TGFBI: variants seen among roughly 807,000 people sequenced by gnomAD.
The protein encoded by TGFBI is transforming growth factor beta induced.
A neutral mutation model predicts 73.7 loss-of-function variants in TGFBI; 50 were observed. That is an observed-to-expected ratio of 0.68 (90% CI 0.54 to 0.86). The LOEUF (loss-of-function observed/expected upper bound fraction) is 0.86, where lower values mean the gene tolerates loss of function less well. TGFBI is among the 40% of genes least tolerant of loss of function. TGFBI has a pLI of 0.00. For synonymous variants in TGFBI, 362 were observed against 360.5 expected (o/e 1.00, Z -0.05); for missense variants, 839 against 877.0 (o/e 0.96, Z 0.55).
intron 4 of TGFBI, 118 bp downstream of exon 4, chr5:136,046,613 C>A: frequency 2.2e-6 from 3 of 1,345,394 alleles, no homozygotes; most frequent in Non-Finnish European, 3.0e-6. Context: ...GAAGCTTTCT[C>A]CTTAACCCCT....
intron 3 of TGFBI, 136 bp downstream of exon 3, chr5:136,044,258 A>C: frequency 2.7e-6 from 2 of 751,784 alleles, no homozygotes; most frequent in South Asian, 3.4e-5. Flanking sequence ...CCACGTGCCC[A>C]CTGGCCCCAG....
At chr5:136,049,751 T>C in intron 7 of TGFBI, 171 bp downstream of exon 7, 2 of 698,426 alleles carry the variant, frequency 2.9e-6, no homozygotes, top group Non-Finnish European at 2.3e-6. Context: ...ACCGTGTCTC[T>C]AGCAGCCACA....
In TGFBI at chr5:136,046,427, G is replaced by A. The variant is rs1751427619; in HGVS notation, c.391G>A (p.Glu131Lys). The A allele has an allele frequency of 6.2e-7, 1 of 1,613,838 alleles. No homozygotes were observed. Among genetic ancestry groups the A allele is most frequent in the African/African-American group, 1.3e-5 (1 of 75,052 alleles). The change falls in exon 4 of 17, where the codon GAG (glutamate) becomes AAG (lysine). Residue 131 changes from glutamate (E) to lysine (K), a missense_variant. Transcript: ENST00000442011. The stretch of plus-strand genomic sequence containing the variant: ...GGACCGCACGGAGAAGCTGAGGCCT[G>A]AGATGGAGGGGCCCGGCAGCTTCAC... ...YTDRTEKLRP[E>K]MEGPGSFTIF...
chr5:136,036,792 T>C (rs1426956917), intron 2 of TGFBI, among the ~76,000 whole-genome samples: 1 of 152,098 alleles, frequency 6.6e-6, no homozygotes, highest in African/African-American at 2.4e-5. Flanking sequence ...ATGAGGTCCA[T>C]AGGCAGTTGG....
Position 136,060,870 on chromosome 5 carries a change from G to T in TGFBI, c.1840G>T (p.Ala614Ser). 1 of 1,602,444 alleles carries T rather than the reference G, an allele frequency of 6.2e-7. No homozygotes were observed. Among genetic ancestry groups the T allele is most frequent in the Non-Finnish European group, 8.5e-7 (1 of 1,171,564 alleles). ...NVVSVNKEPV[A>S]EPDIMATNGV... ...GGTGAGTGTCAACAAGGAGCCTGTTGCCGAGCCTGACATCATGGCCACAAA... is the reference window on the plus strand; with the variant it reads ...GGTGAGTGTCAACAAGGAGCCTGTTTCCGAGCCTGACATCATGGCCACAAA... The change falls in exon 14 of 17, where the codon GCC becomes TCC. Residue 614 changes from alanine (A) to serine (S), a missense_variant. Physicochemically the swap from Ala to Ser is moderately conservative, Grantham distance 99. Coordinates refer to ENST00000442011, the MANE Select transcript of TGFBI (RefSeq NM_000358.3).
At position 136,056,888 on chromosome 5, in the gene TGFBI, T is replaced by C. The variant is rs1039473029; in HGVS notation, c.1678+93T>C. ...AACAGTTGGCACATCAAGGATTGAC[T>C]TGAAGGGATTTTATGACAAGACTAT... On this transcript the variant is annotated intron_variant, in intron 12 of 16. Transcript: ENST00000442011. 21 of 1,434,036 alleles carry C rather than the reference T, an allele frequency of 1.5e-5. No individual in the cohort carries two copies. In the Middle Eastern group the frequency reaches 5.5e-4, roughly 37 times the overall value. 88.8% of individuals were successfully genotyped at this position (1,434,036 alleles called of 1,614,324 possible).
chr5:136,046,860 G>A lies in TGFBI; in HGVS notation c.469G>A (p.Asp157Asn), dbSNP rs765769059. 1.9e-6 allele frequency: 3 copies of A among 1,613,222 alleles called. No homozygotes were observed. Among genetic ancestry groups the A allele is most frequent in the South Asian group, 2.2e-5 (2 of 90,964 alleles). ...CTGTCCTTCCTCCTAGGAAGTGCTG[G>A]ACTCCCTGGTCAGCAATGTCAACAT... ...AWASLPAEVL[D>N]SLVSNVNIEL... The change falls in exon 5 of 17, where the codon GAC (aspartate) becomes AAC (asparagine). Residue 157 changes from aspartate (D) to asparagine (N), a missense_variant. By Grantham distance (23) the Asp-to-Asn change is conservative (BLOSUM62 1). Transcript: ENST00000442011.
rs1436179386 is a variant in TGFBI, at chr5:136,059,546, A to G, written c.1803+332A>G. Among the ~76,000 whole-genome samples, 4 of 152,236 alleles carry G rather than the reference A, an allele frequency of 2.6e-5. No individual in the cohort carries two copies. The East Asian group carries it at 7.7e-4, about 29-fold the overall frequency. On this transcript the variant is annotated intron_variant, in intron 13 of 16. Transcript: ENST00000442011. ...GAAGAGATCAGTCTGTACTCACACC[A>G]TCCCACCCCCCAAACCCAGGGCTTC...
At chr5:136,060,166 A>T (rs1751721966) in intron 13 of TGFBI, among the ~76,000 whole-genome samples, 1 of 152,194 alleles carries the variant, frequency 6.6e-6, no homozygotes, top group Admixed American at 6.5e-5. Context: ...AGCTTAAAAG[A>T]GGCACTTCGC....
chr5:136,046,562 C>T, intron 4 of TGFBI, 67 bp downstream of exon 4: 3 of 1,492,448 alleles, frequency 2.0e-6, no homozygotes, highest in Non-Finnish European at 2.7e-6. Flanking sequence ...GAGGGGTGGG[C>T]ATGATGAATG....
intron 10 of TGFBI, chr5:136,055,193 C>T (rs1318265113): frequency 3.5e-6 from 1 of 285,546 alleles, no homozygotes; most frequent in Non-Finnish European, 6.5e-6. Context: ...GCCCCCTAAA[C>T]TAAAATACAG....
intron 2 of TGFBI, among the ~76,000 whole-genome samples, chr5:136,040,695 G>T (rs374116023): frequency 1.3e-5 from 2 of 152,360 alleles, no homozygotes; most frequent in African/African-American, 4.8e-5. Context: ...GAAGCCTGAA[G>T]CCTTTAATCG....
rs188883827 is a variant in TGFBI at position 136,035,657 on chromosome 5, T to C, written c.233+1796T>C. On this transcript the variant is annotated intron_variant, in intron 2 of 16. Coordinates refer to ENST00000442011, the MANE Select transcript of TGFBI (RefSeq NM_000358.3). Reference sequence around the variant, plus strand: ...AAAAAAAAAAAAGAAAAGAAAACCTTTAGTACTGATTGATTTTTTCCCATG... The same window carrying C: ...AAAAAAAAAAAAGAAAAGAAAACCTCTAGTACTGATTGATTTTTTCCCATG... 1.6e-3 allele frequency among the ~76,000 whole-genome samples: 243 copies of C among 151,646 alleles called. 3 individuals carry two copies. The highest frequency in any genetic ancestry group is 2.9e-3 in the Non-Finnish European group (200 of 67,910).
intron 8 of TGFBI, 116 bp from the exon 9 acceptor site, chr5:136,053,827 G>T: frequency 2.1e-6 from 3 of 1,459,138 alleles, no homozygotes; most frequent in Non-Finnish European, 2.8e-6. Context: ...GTGTTTAGAG[G>T]GGTTGTTGAC....
At position 136,046,258 on chromosome 5, in the gene TGFBI, T is replaced by C; in HGVS notation, c.299-77T>C. 1.9e-6 allele frequency: 3 copies of C among 1,564,162 alleles called. No homozygotes were observed. In the South Asian group the frequency reaches 3.5e-5, roughly 18 times the overall value. ...CTCTCCACCTGTAGATGTACCGTGC[T>C]CTCTGTCAGAGAAGGGAGGGTGTGG... is the stretch of plus-strand genomic sequence containing the variant. On this transcript the variant is annotated intron_variant, in intron 3 of 16. Transcript: ENST00000442011.
intron 11 of TGFBI, 125 bp from the exon 12 acceptor site, chr5:136,056,540 T>G: frequency 7.8e-7 from 1 of 1,279,798 alleles, no homozygotes; most frequent in Non-Finnish European, 1.1e-6. Context: ...GGTGTGTGCA[T>G]TCCAGTGGCC....
In TGFBI at chr5:136,047,394, A is replaced by G. The variant is rs11543192; in HGVS notation, c.745A>G (p.Ile249Val). Residue 249 changes from isoleucine to valine, a missense_variant, in exon 6 of 17, where the codon ATC becomes GTC. Coordinates refer to ENST00000442011, the MANE Select transcript of TGFBI (RefSeq NM_000358.3). ...CAACAACATCCAGCAGATCATTGAG[A>G]TCGAGGACACCTTTGAGACCCTTCG... ...ITNNIQQIIE[I>V]EDTFETLRAA... The G allele has an allele frequency of 3.7e-6, 6 of 1,613,884 alleles. No homozygotes were observed. The highest frequency in any genetic ancestry group is 3.4e-6 in the Non-Finnish European group (4 of 1,179,878).
rs749742157 is a variant in TGFBI, at chr5:136,046,442, G to A, written c.406G>A (p.Gly136Ser). 4.3e-6 allele frequency: 7 copies of A among 1,613,388 alleles called. No individual in the cohort carries two copies. The highest frequency in any genetic ancestry group is 5.9e-6 in the Non-Finnish European group (7 of 1,179,482). The change falls in exon 4 of 17, where the codon GGC becomes AGC. Residue 136 changes from glycine (G) to serine (S), a missense_variant. Physicochemically the swap from Gly to Ser is moderately conservative, Grantham distance 56. Coordinates refer to ENST00000442011, the MANE Select transcript of TGFBI (RefSeq NM_000358.3). ...GCTGAGGCCTGAGATGGAGGGGCCC[G>A]GCAGCTTCACCATCTTCGCCCCTAG... is the stretch of plus-strand genomic sequence containing the variant. ...EKLRPEMEGP[G>S]SFTIFAPSNE... is the part of the protein sequence containing the mutation.
intron 15 of TGFBI, 122 bp from the exon 16 acceptor site, chr5:136,062,541 C>CCTTCCT: frequency 9.9e-7 from 1 of 1,013,748 alleles, no homozygotes; most frequent in East Asian, 2.6e-5. Context: ...TCCACCTTCC[C>CCTTCCT]CTTCCTCTTC....
Sources: gnomAD v4.1 joint callset for allele counts (sites outside exome capture counted in the v4.1 genomes callset) on GRCh38, gnomAD v4.1.1 for gene constraint, MANE v1.5 for transcripts, NCBI Gene and HGNC (gene_info 2026-07-23, HGNC 2026-07-21) for gene names.